Variants in MEGF10 observed in about 807,000 individuals in gnomAD.
MEGF10 encodes multiple epidermal growth factor-like domains protein 10.
MEGF10 carries 86 observed loss-of-function variants against 147.5 expected under a neutral mutation model. That is an observed-to-expected ratio of 0.58 (90% CI 0.49 to 0.70). MEGF10 has a LOEUF of 0.70. Among genes scored for constraint, MEGF10 ranks in the 30% least tolerant of loss-of-function variants. The pLI is 0.00. For missense variants in MEGF10, 1,329 were observed against 1,487.3 expected (o/e 0.89, Z 1.75); for synonymous variants, 478 against 525.5 (o/e 0.91, Z 1.24).
At chr5:127,273,131 G>T in the MEGF10 span, among the ~76,000 whole-genome samples, 1 of 152,212 alleles carries the variant, frequency 6.6e-6, no homozygotes, top group Non-Finnish European at 1.5e-5. Flanking sequence ...CGGAGCAGCT[G>T]CTCTGCCAAG....
chr5:127,247,403 A>AGAAGAAGAAGAAGAAGAG, the MEGF10 span, among the ~76,000 whole-genome samples: 1 of 61,204 alleles, frequency 1.6e-5, no homozygotes, highest in Non-Finnish European at 3.2e-5. Context: ...AAGAAGAAGA[A>AGAAGAAGAAGAAGAAGAG]GAAGAAGAAG....
At chr5:127,230,851 A>C in the MEGF10 span, among the ~76,000 whole-genome samples, 1 of 150,796 alleles carries the variant, frequency 6.6e-6, no homozygotes, top group Non-Finnish European at 1.5e-5. Flanking sequence ...GTGTCCTAAT[A>C]ACCCAATAGA....
the MEGF10 span, among the ~76,000 whole-genome samples, chr5:127,238,495 T>C: frequency 1.3e-5 from 2 of 152,216 alleles, no homozygotes; most frequent in Non-Finnish European, 2.9e-5. Flanking sequence ...GCACTGCACA[T>C]GTAGCAACCC....
the MEGF10 span, among the ~76,000 whole-genome samples, chr5:127,233,882 G>A: frequency 6.6e-6 from 1 of 152,132 alleles, no homozygotes; most frequent in Non-Finnish European, 1.5e-5. Flanking sequence ...ATCTAGGTGG[G>A]AATCAACTTT....
At chr5:127,409,846 A>C (rs532136592) in intron 8 of MEGF10, 1 of 157,210 alleles carries the variant, frequency 6.4e-6, no homozygotes, top group East Asian at 1.8e-4. Flanking sequence ...TATTAGTTAA[A>C]GAACTTTCTA....
intron 5 of MEGF10, among the ~76,000 whole-genome samples, chr5:127,390,476 A>C (rs1763604133): frequency 6.6e-6 from 1 of 152,042 alleles, no homozygotes; most frequent in Admixed American, 6.6e-5. Flanking sequence ...ATTTTTGTAG[A>C]GATAGGGGCT....
chr5:127,316,592 A>C (rs1760556356), intron 1 of MEGF10, among the ~76,000 whole-genome samples: 1 of 152,188 alleles, frequency 6.6e-6, no homozygotes, highest in East Asian at 1.9e-4. Flanking sequence ...TTAAATGATA[A>C]TCTTGACCTT....
chr5:127,371,046 T>C (rs1214372901), intron 5 of MEGF10, among the ~76,000 whole-genome samples: 1 of 152,178 alleles, frequency 6.6e-6, no homozygotes, highest in African/African-American at 2.4e-5. Context: ...GATTATTCTT[T>C]ATCTTGCTAG....
chr5:127,445,954 A>G (rs947600694), intron 20 of MEGF10, among the ~76,000 whole-genome samples: 2 of 152,230 alleles, frequency 1.3e-5, no homozygotes, highest in Admixed American at 6.5e-5. Context: ...ATTTCAATCC[A>G]TAAGGAGCTT....
At chr5:127,314,136 C>A (rs972581909) in intron 1 of MEGF10, among the ~76,000 whole-genome samples, 3 of 152,178 alleles carry the variant, frequency 2.0e-5, no homozygotes, top group African/African-American at 7.2e-5. Context: ...AGTTATGGAT[C>A]CCACTCTGTT....
intron 8 of MEGF10, among the ~76,000 whole-genome samples, chr5:127,404,800 C>T (rs1764264637): frequency 6.6e-6 from 1 of 151,984 alleles, no homozygotes; most frequent in Admixed American, 6.6e-5. Context: ...ACCACAACTT[C>T]CATCTCCCAG....
At chr5:127,395,079 T>A (rs371614791) in intron 5 of MEGF10, among the ~76,000 whole-genome samples, 1 of 152,222 alleles carries the variant, frequency 6.6e-6, no homozygotes, top group Non-Finnish European at 1.5e-5. Context: ...AAACTTTTTT[T>A]TAATTGTAAA....
intron 4 of MEGF10, among the ~76,000 whole-genome samples, chr5:127,343,843 C>CAT (rs1211655261): frequency 6.6e-6 from 1 of 151,942 alleles, no homozygotes; most frequent in Non-Finnish European, 1.5e-5. Flanking sequence ...AGTGGGCTGC[C>CAT]AGTTCAAAGT....
Position 127,438,521 on chromosome 5 carries a change from G to A in MEGF10, c.2187G>A (p.Gly729=), listed in dbSNP as rs756622342. The A allele has an allele frequency of 4.3e-6, 7 of 1,614,008 alleles. No homozygotes were observed. The African/African-American group carries it at 6.7e-5, about 15-fold the overall frequency. The change falls in exon 17 of 25, where the codon GGG becomes GGA. Residue 729 remains glycine (G), a synonymous_variant. Coordinates refer to ENST00000503335, the MANE Select transcript of MEGF10 (RefSeq NM_001256545.2). ...HNGAFCSAYD[G]ECKCTPGWTG... The stretch of plus-strand genomic sequence containing the variant: ...GAGCTTTCTGCAGCGCCTACGATGG[G>A]GAATGTAAATGCACTCCTGGCTGGA...
At chr5:127,448,365 A>T (rs1766027253) in intron 21 of MEGF10, among the ~76,000 whole-genome samples, 1 of 152,230 alleles carries the variant, frequency 6.6e-6, no homozygotes. Flanking sequence ...AGTCACAGAG[A>T]GGTTGGAGAC....
At chr5:127,445,829 G>GGT in intron 20 of MEGF10, 136 bp downstream of exon 20, 2 of 698,914 alleles carry the variant, frequency 2.9e-6, no homozygotes, top group South Asian at 3.4e-5. Flanking sequence ...GTTTGGAAAA[G>GGT]GTATACATTG....
intron 5 of MEGF10, among the ~76,000 whole-genome samples, chr5:127,386,439 T>C (rs1300595283): frequency 3.3e-5 from 5 of 152,216 alleles, no homozygotes; most frequent in Non-Finnish European, 7.4e-5. Context: ...TGTTTTTGTT[T>C]ATTTCTCCTT....
At chr5:127,297,923 C>T (rs1251815272) in intron 1 of MEGF10, among the ~76,000 whole-genome samples, 2 of 152,084 alleles carry the variant, frequency 1.3e-5, no homozygotes, top group Non-Finnish European at 2.9e-5. Flanking sequence ...GGGCTAGAGA[C>T]GGAGACAGGG....
chr5:127,359,526 A>G (rs1762401565), intron 4 of MEGF10, among the ~76,000 whole-genome samples: 1 of 152,010 alleles, frequency 6.6e-6, no homozygotes, highest in Non-Finnish European at 1.5e-5. Context: ...CCCTTTTGTA[A>G]TTTCTCCTAT....
Sources: gnomAD v4.1 joint callset for allele counts (sites outside exome capture counted in the v4.1 genomes callset) on GRCh38, gnomAD v4.1.1 for gene constraint, MANE v1.5 for transcripts, NCBI Gene and HGNC (gene_info 2026-07-23, HGNC 2026-07-21) for gene names.